The following P2RY2 variants were observed in gnomAD, a reference collection of about 807,000 sequenced individuals.
The protein encoded by P2RY2 is P2Y purinoceptor 2.
For synonymous variants in P2RY2, 241 were observed against 231.9 expected (o/e 1.04, Z -0.35); for missense variants, 567 against 515.7 (o/e 1.10, Z -0.96).
At chr11:73,228,923 G>A (rs537212166) in intron 2 of P2RY2, among the ~76,000 whole-genome samples, 1 of 152,322 alleles carries the variant, frequency 6.6e-6, no homozygotes, top group South Asian at 2.1e-4. Flanking sequence ...GTTTATGGGA[G>A]TGTGCAGAGG....
In P2RY2 at chr11:73,234,893, G is replaced by A; in HGVS notation, c.734G>A (p.Arg245His). 1.2e-6 allele frequency: 2 copies of A among 1,610,700 alleles called. No individual in the cohort carries two copies. Among genetic ancestry groups the A allele is most frequent in the African/African-American group, 1.3e-5 (1 of 75,060 alleles). ...CCTAGGGCCAAGCGCAAGTCCGTGC[G>A]CACCATCGCCGTGGTGCTGGCTGTC... is the stretch of plus-strand genomic sequence containing the variant. ...GLPRAKRKSV[R>H]TIAVVLAVFA... Residue 245 changes from arginine (R) to histidine (H), a missense_variant, in exon 3 of 3, where the codon CGC becomes CAC. By Grantham distance (29) the Arg-to-His change is conservative. Transcript: ENST00000393597.
intron 1 of P2RY2, among the ~76,000 whole-genome samples, chr11:73,226,513 C>T (rs190214838): frequency 2.0e-5 from 3 of 152,208 alleles, no homozygotes; most frequent in African/African-American, 7.2e-5. Context: ...CCACGCCCCC[C>T]GTACCCAAGC....
At chr11:73,229,113 G>A (rs1257623054) in intron 2 of P2RY2, among the ~76,000 whole-genome samples, 1 of 152,194 alleles carries the variant, frequency 6.6e-6, no homozygotes, top group Non-Finnish European at 1.5e-5. Context: ...CCCTCAAGGA[G>A]CACCTGAAAT....
chr11:73,234,351 C>T lies in P2RY2; in HGVS notation c.192C>T (p.Thr64=). The T allele has an allele frequency of 6.2e-7, 1 of 1,614,232 alleles. No individual in the cohort carries two copies. The highest frequency in any genetic ancestry group is 1.3e-5 in the African/African-American group (1 of 75,052). Residue 64 remains threonine, a synonymous_variant, in exon 3 of 3, where the codon ACC becomes ACT. Coordinates refer to ENST00000393597, the MANE Select transcript of P2RY2 (RefSeq NM_002564.4). ...ACATCTTCTTGTGCCGCCTCAAGAC[C>T]TGGAATGCGTCCACCACATATATGT... ...ALYIFLCRLK[T]WNASTTYMFH... is the part of the protein sequence containing the mutation.
chr11:73,231,154 G>C (rs982723474), intron 2 of P2RY2, among the ~76,000 whole-genome samples: 26 of 152,168 alleles, frequency 1.7e-4, no homozygotes, highest in African/African-American at 5.8e-4. Flanking sequence ...GGAGCCATCT[G>C]TGTCCATGGC....
At position 73,240,689 on chromosome 11, in the gene P2RY2, A is replaced by G. The variant is rs1862756127; in HGVS notation, c.*5396A>G. 1 of 152,206 alleles carries G rather than the reference A, an allele frequency of 6.6e-6. No individual in the cohort carries two copies. Among genetic ancestry groups the G allele is most frequent in the Non-Finnish European group, 1.5e-5 (1 of 68,058 alleles). 9.4% of individuals were successfully genotyped at this position (152,206 alleles called of 1,614,324 possible). A position where few individuals can be genotyped will look rare whatever the true frequency, so the allele number is the denominator to read the frequency against. ...TTGGCTGCTCCCACTGCCTCAGCCA[A>G]CTTCATTAGCTCCAGTCTGTGGCTC... On this transcript the variant is annotated 3_prime_UTR_variant, in exon 3 of 3. Coordinates refer to ENST00000393597, the MANE Select transcript of P2RY2 (RefSeq NM_002564.4).
intron 2 of P2RY2, among the ~76,000 whole-genome samples, chr11:73,228,936 G>A (rs116465142): frequency 6.6e-6 from 1 of 152,194 alleles, no homozygotes; most frequent in Non-Finnish European, 1.5e-5. Flanking sequence ...TGCAGAGGCT[G>A]CAGAGGGCTT....
intron 1 of P2RY2, among the ~76,000 whole-genome samples, chr11:73,224,832 A>G (rs1862231541): frequency 6.6e-6 from 1 of 152,044 alleles, no homozygotes; most frequent in Admixed American, 6.6e-5. Context: ...TGCCTTCTTT[A>G]CCTGCTGAAA....
chr11:73,227,920 T>A (rs1369713166), intron 1 of P2RY2, 61 bp from the exon 2 acceptor site: 1 of 152,200 alleles, frequency 6.6e-6, no homozygotes, highest in African/African-American at 2.4e-5. Flanking sequence ...TGGGGGGGAT[T>A]GACCTGGGTA....
Position 73,226,247 on chromosome 11 carries a change from CT to C in P2RY2, c.-199-1732del, listed in dbSNP as rs563127627. On this transcript the variant is annotated intron_variant, in intron 1 of 2. Coordinates refer to ENST00000393597, the MANE Select transcript of P2RY2 (RefSeq NM_002564.4). ...GAAACCTGGAAGGATGGTGGGGGCC[CT>C]TCTCAGAAATGAGAACCACTTGTGG... Among the ~76,000 whole-genome samples, 302 of 152,314 alleles carry C rather than the reference CT, an allele frequency of 2.0e-3. 2 individuals carry two copies. Among genetic ancestry groups the C allele is most frequent in the African/African-American group, 6.9e-3 (286 of 41,562 alleles).
At chr11:73,231,104 T>C (rs1481024836) in intron 2 of P2RY2, among the ~76,000 whole-genome samples, 6 of 152,100 alleles carry the variant, frequency 3.9e-5, no homozygotes, top group African/African-American at 1.4e-4. Flanking sequence ...CACATAAGCA[T>C]CTCCCGGCCT....
intron 1 of P2RY2, among the ~76,000 whole-genome samples, chr11:73,222,027 A>G (rs1200729666): frequency 6.6e-6 from 1 of 152,174 alleles, no homozygotes; most frequent in African/African-American, 2.4e-5. Flanking sequence ...TCCTGGTCCA[A>G]GATGAGTAGC....
intron 1 of P2RY2, among the ~76,000 whole-genome samples, chr11:73,222,205 C>T (rs1051178922): frequency 6.6e-6 from 1 of 152,102 alleles, no homozygotes; most frequent in African/African-American, 2.4e-5. Flanking sequence ...GTGGCCTCTC[C>T]CTCCCCAGGT....
In P2RY2 at chr11:73,234,192, C is replaced by T. The variant is rs371592124; in HGVS notation, c.33C>T (p.Thr11=). ...CAGACCTGGGCCCCTGGAATGACAC[C>T]ATCAATGGCACCTGGGATGGGGATG... MAADLGPWND[T]INGTWDGDEL... is the part of the protein sequence containing the mutation. Residue 11 remains threonine, a synonymous_variant, in exon 3 of 3, where the codon ACC becomes ACT. Transcript: ENST00000393597. 5 of 1,613,260 alleles carry T rather than the reference C, an allele frequency of 3.1e-6. No homozygotes were observed. Among genetic ancestry groups the T allele is most frequent in the Non-Finnish European group, 4.2e-6 (5 of 1,179,570 alleles).
At chr11:73,223,737 T>C (rs1375664219) in intron 1 of P2RY2, among the ~76,000 whole-genome samples, 1 of 152,222 alleles carries the variant, frequency 6.6e-6, no homozygotes, top group Non-Finnish European at 1.5e-5. Flanking sequence ...GTTGTGGTTC[T>C]GAGCCTGTTT....
At chr11:73,220,029 C>T (rs1470001263) in intron 1 of P2RY2, among the ~76,000 whole-genome samples, 1 of 152,184 alleles carries the variant, frequency 6.6e-6, no homozygotes, top group Non-Finnish European at 1.5e-5. Context: ...GAAACTGGGT[C>T]TTATTATTTC....
Position 73,236,933 on chromosome 11 carries a change from C to G in P2RY2, c.*1640C>G. ...GACAGGGCAAAGCTGACAGGCCTCA[C>G]TCTTGATCTCAAGGACAGGGACTCC... On this transcript the variant is annotated 3_prime_UTR_variant, in exon 3 of 3. Coordinates refer to ENST00000393597, the MANE Select transcript of P2RY2 (RefSeq NM_002564.4). 1.0e-6 allele frequency: 1 copy of G among 985,354 alleles called. No individual in the cohort carries two copies. Among genetic ancestry groups the G allele is most frequent in the South Asian group, 4.7e-5 (1 of 21,284 alleles). 61.0% of individuals were successfully genotyped at this position (985,354 alleles called of 1,614,324 possible).
In P2RY2 at chr11:73,234,285, G is replaced by A. The variant is rs140537797; in HGVS notation, c.126G>A (p.Val42=). 322 of 1,614,046 alleles carry A rather than the reference G, an allele frequency of 2.0e-4. No individual in the cohort carries two copies. The highest frequency in any genetic ancestry group is 2.6e-4 in the Non-Finnish European group (306 of 1,180,022). Residue 42 remains valine (V), a synonymous_variant, in exon 3 of 3, where the codon GTG becomes GTA. Coordinates refer to ENST00000393597, the MANE Select transcript of P2RY2 (RefSeq NM_002564.4). ...KYVLLPVSYG[V]VCVPGLCLNA... ...TGCTGCTGCCTGTGTCCTACGGCGT[G>A]GTGTGCGTGCCTGGGCTGTGTCTGA...
chr11:73,229,891 C>T (rs774778730), intron 2 of P2RY2, among the ~76,000 whole-genome samples: 2 of 152,134 alleles, frequency 1.3e-5, no homozygotes, highest in Non-Finnish European at 2.9e-5. Flanking sequence ...GGAGGAAGCC[C>T]CCTCCCTGTC....
Sources: gnomAD v4.1 joint callset for allele counts (sites outside exome capture counted in the v4.1 genomes callset) on GRCh38, gnomAD v4.1.1 for gene constraint, MANE v1.5 for transcripts, NCBI Gene and HGNC (gene_info 2026-07-23, HGNC 2026-07-21) for gene names.